The following ERP27 variants were observed in gnomAD, a reference collection of about 807,000 sequenced individuals.
The protein encoded by ERP27 is endoplasmic reticulum resident protein 27.
A neutral mutation model predicts 27.7 loss-of-function variants in ERP27; 23 were observed. That is an observed-to-expected ratio of 0.83 (90% CI 0.60 to 1.18). The LOEUF (loss-of-function observed/expected upper bound fraction) is 1.18. ERP27 is among the 50% of genes most tolerant of loss of function. The probability of loss-of-function intolerance (pLI) is 0.00; values close to 1 mark genes in which losing one functional copy is unlikely to be tolerated. For synonymous variants in ERP27, 159 were observed against 118.3 expected, an observed-to-expected ratio of 1.34 and a Z score of -2.23; for missense variants, 363 against 327.9, an observed-to-expected ratio of 1.11 and a Z score of -0.83.
chr12:14,926,979 G>A (rs73061044), intron 3 of ERP27, among the ~76,000 whole-genome samples: 6,363 of 152,080 alleles, frequency 0.042, 161 homozygotes, highest in Middle Eastern at 0.071. Context: ...AATTCTCCCC[G>A]TTTGGCTGTT....
chr12:14,934,966 G>T lies in ERP27; in HGVS notation c.223C>A (p.Leu75Ile), dbSNP rs1020783664. ...QDLEIPAVPI[L>I]HSMVQKFPGV... ...GGGAATTTTTGCACCATGCTATGGAGTATGGGCACTGCTGGTATTTCTAAA... is the reference window on the plus strand; with the variant it reads ...GGGAATTTTTGCACCATGCTATGGATTATGGGCACTGCTGGTATTTCTAAA... The change falls in exon 3 of 7, where the codon CTC becomes ATC. Residue 75 changes from leucine to isoleucine, a missense_variant. Physicochemically the swap from Leu to Ile is conservative, Grantham distance 5 (BLOSUM62 2). Transcript: ENST00000266397. The T allele has an allele frequency of 2.5e-6, 4 of 1,613,994 alleles. No individual in the cohort carries two copies. Among genetic ancestry groups the T allele is most frequent in the African/African-American group, 1.3e-5 (1 of 74,946 alleles).
At chr12:14,916,367 G>A (rs1436555141) in intron 5 of ERP27, among the ~76,000 whole-genome samples, 1 of 152,098 alleles carries the variant, frequency 6.6e-6, no homozygotes, top group Non-Finnish European at 1.5e-5. Flanking sequence ...ACGTGAGTTT[G>A]GGCACATTAC....
Position 14,926,977 on chromosome 12 carries a change from C to T in ERP27, c.334-5929G>A, listed in dbSNP as rs140846843. On this transcript the variant is annotated intron_variant, in intron 3 of 6. Coordinates refer to ENST00000266397, the MANE Select transcript of ERP27 (RefSeq NM_152321.4). ...GGAGGTGTTCAGTGACAAATTCTCC[C>T]CGTTTGGCTGTTTAATATATATTTA... Among the ~76,000 whole-genome samples, 36 of 152,196 alleles carry T rather than the reference C, an allele frequency of 2.4e-4. No homozygotes were observed. The East Asian group carries it at 6.4e-3, about 27-fold the overall frequency.
At chr12:14,918,064 T>C (rs1464684255) in intron 4 of ERP27, among the ~76,000 whole-genome samples, 1 of 152,240 alleles carries the variant, frequency 6.6e-6, no homozygotes, top group African/African-American at 2.4e-5. Flanking sequence ...TTCGTACTTA[T>C]TGAGTGTTCA....
chr12:14,938,311 C>T, intron 1 of ERP27, 104 bp downstream of exon 1: 1 of 1,226,140 alleles, frequency 8.2e-7, no homozygotes, highest in Non-Finnish European at 1.2e-6. Context: ...TCCTGGAAAG[C>T]TTTCTAGGTG....
chr12:14,930,529 A>G (rs74717010), intron 3 of ERP27, among the ~76,000 whole-genome samples: 6,038 of 152,294 alleles, frequency 0.04, 350 homozygotes, highest in African/African-American at 0.12. Context: ...CTGCTAGGGC[A>G]ACAATAAGAG....
chr12:14,934,183 G>A (rs772981463), intron 3 of ERP27, among the ~76,000 whole-genome samples: 31 of 151,994 alleles, frequency 2.0e-4, no homozygotes, highest in Admixed American at 5.2e-4. Flanking sequence ...GTTTTTTCCC[G>A]TTGGCCATGA....
chr12:14,935,493 T>A (rs1468033405), intron 2 of ERP27, among the ~76,000 whole-genome samples: 1 of 152,194 alleles, frequency 6.6e-6, no homozygotes, highest in Admixed American at 6.5e-5. Context: ...AGTTATATAG[T>A]TTTTAAAACT....
intron 4 of ERP27, among the ~76,000 whole-genome samples, 174 bp downstream of exon 4, chr12:14,920,758 C>T (rs10772819): frequency 0.66 from 99,925 of 152,060 alleles, 33,074 homozygotes; most frequent in East Asian, 0.86. Flanking sequence ...GTTTTTTTGT[C>T]TAACAGGAAC....
At chr12:14,920,490 T>C (rs1313073074) in intron 4 of ERP27, among the ~76,000 whole-genome samples, 1 of 152,202 alleles carries the variant, frequency 6.6e-6, no homozygotes, top group African/African-American at 2.4e-5. Context: ...TGTTTGTCTT[T>C]CATTTATTCT....
At chr12:14,933,073 TATTCATTC>T (rs145855574) in intron 3 of ERP27, among the ~76,000 whole-genome samples, 7 of 152,242 alleles carry the variant, frequency 4.6e-5, no homozygotes, top group African/African-American at 7.2e-5. Flanking sequence ...AAGAAGAACA[TATTCATTC>T]ATTCATTCAT....
chr12:14,927,230 TA>T (rs1018235764), intron 3 of ERP27, among the ~76,000 whole-genome samples: 45 of 152,274 alleles, frequency 3.0e-4, no homozygotes, highest in African/African-American at 1.1e-3. Context: ...GTTTTAGATG[TA>T]CTATGGCATG....
Position 14,937,946 on chromosome 12 carries a change from AC to A in ERP27, c.195+5del, listed in dbSNP as rs1863795821. The stretch of plus-strand genomic sequence containing the variant: ...CTCTTGGGGGAATTGCAAGTAGGGA[AC>A]TAACCTGGAAGAAGCCTATGACAGC... On this transcript the variant is annotated splice_donor_5th_base_variant and intron_variant, in intron 2 of 6. Coordinates refer to ENST00000266397, the MANE Select transcript of ERP27 (RefSeq NM_152321.4). 1 of 1,613,044 alleles carries A rather than the reference AC, an allele frequency of 6.2e-7. No homozygotes were observed. Among genetic ancestry groups the A allele is most frequent in the Non-Finnish European group, 8.5e-7 (1 of 1,179,234 alleles).
Position 14,917,229 on chromosome 12 carries a change from A to G in ERP27, c.525T>C (p.Tyr175=). ...TCTGGTATCTGTGCATGTTCTCTTC[A>G]TACTCTGGGGAGGCCTTGTTCATTA... ...LLIMNKASPE[Y]EENMHRYQKA... is the part of the protein sequence containing the mutation. Residue 175 remains tyrosine, a synonymous_variant, in exon 5 of 7, where the codon TAT becomes TAC. Transcript: ENST00000266397. 1 of 1,614,080 alleles carries G rather than the reference A, an allele frequency of 6.2e-7. No individual in the cohort carries two copies. Among genetic ancestry groups the G allele is most frequent in the Non-Finnish European group, 8.5e-7 (1 of 1,180,006 alleles).
chr12:14,916,977 A>T (rs1385231417), intron 5 of ERP27, among the ~76,000 whole-genome samples: 1 of 152,240 alleles, frequency 6.6e-6, no homozygotes, highest in African/African-American at 2.4e-5. Flanking sequence ...CTACAGGAAG[A>T]TATAATTACA....
Position 14,917,171 on chromosome 12 carries a change from G to A in ERP27, c.576+7C>T. On this transcript the variant is annotated splice_region_variant and intron_variant, in intron 5 of 6. Transcript: ENST00000266397. ...TATGCAATAGGATATTCCCATTCTT[G>A]CCTTACCTTCCCCTGGAAGAGCTTG... is the stretch of plus-strand genomic sequence containing the variant. 1 of 1,613,946 alleles carries A rather than the reference G, an allele frequency of 6.2e-7. No homozygotes were observed. Among genetic ancestry groups the A allele is most frequent in the African/African-American group, 1.3e-5 (1 of 74,978 alleles).
chr12:14,938,365 T>C, intron 1 of ERP27, 50 bp downstream of exon 1: 1 of 1,570,782 alleles, frequency 6.4e-7, no homozygotes, highest in South Asian at 1.1e-5. Context: ...CCTTTCCTTC[T>C]CCTAATAACA....
chr12:14,920,896 G>C, intron 4 of ERP27, 36 bp downstream of exon 4: 1 of 1,533,128 alleles, frequency 6.5e-7, no homozygotes. Context: ...CCCGACTCAG[G>C]GTCTGAAGGG....
At position 14,914,583 on chromosome 12, in the gene ERP27, TGTGTGTGCACGCGTGCGTGC is replaced by T. The variant is rs1218214626; in HGVS notation, c.*132_*151del. On this transcript the variant is annotated 3_prime_UTR_variant, in exon 7 of 7. Coordinates refer to ENST00000266397, the MANE Select transcript of ERP27 (RefSeq NM_152321.4). The stretch of plus-strand genomic sequence containing the variant: ...CTGTGTGTGTGTGTGTGTGTGCGTG[TGTGTGTGCACGCGTGCGTGC>T]GTGTGTGCACGTGCGTGTGTGTGTG... 4.5e-5 allele frequency: 25 copies of T among 551,626 alleles called. No individual in the cohort carries two copies. Among genetic ancestry groups the T allele is most frequent in the South Asian group, 3.6e-4 (16 of 44,442 alleles). 34.2% of individuals were successfully genotyped at this position (551,626 alleles called of 1,614,324 possible). A position where few individuals can be genotyped will look rare whatever the true frequency, so the allele number is the denominator to read the frequency against.
Sources: allele counts gnomAD v4.1 joint callset (sites outside exome capture counted in the v4.1 genomes callset), GRCh38; gene constraint gnomAD v4.1.1; transcripts MANE v1.5; gene names NCBI Gene and HGNC (gene_info 2026-07-23, HGNC 2026-07-21).